Variants in ARHGEF4 observed in about 807,000 individuals in gnomAD.
The protein encoded by ARHGEF4 is APC-stimulated guanine nucleotide exchange factor 1.
ARHGEF4 carries 119 observed loss-of-function variants against 162.0 expected under a neutral mutation model. That is an observed-to-expected ratio of 0.73 (90% CI 0.63 to 0.86). ARHGEF4 has a LOEUF of 0.86. Ranked by LOEUF, ARHGEF4 falls within the 40% of genes least tolerant of loss-of-function variation. ARHGEF4 has a pLI of 0.00. For synonymous variants in ARHGEF4, 1,014 were observed against 979.9 expected, an observed-to-expected ratio of 1.03 and a Z score of -0.65; for missense variants, 2,488 against 2,456.0, an observed-to-expected ratio of 1.01 and a Z score of -0.28.
chr2:131,019,790 C>T (rs933636950), intron 4 of ARHGEF4, among the ~76,000 whole-genome samples: 2 of 152,108 alleles, frequency 1.3e-5, no homozygotes, highest in South Asian at 2.1e-4. Flanking sequence ...CCTGCCACCA[C>T]GGCCGGCTAA....
At chr2:130,933,878 T>C (rs1468301384) in intron 3 of ARHGEF4, among the ~76,000 whole-genome samples, 1 of 152,222 alleles carries the variant, frequency 6.6e-6, no homozygotes, top group African/African-American at 2.4e-5. Flanking sequence ...TAAAAATAGA[T>C]TACTTTACTT....
chr2:130,944,353 G>A (rs1683484343), intron 3 of ARHGEF4, among the ~76,000 whole-genome samples: 1 of 152,158 alleles, frequency 6.6e-6, no homozygotes, highest in African/African-American at 2.4e-5. Context: ...TCTTGATATT[G>A]TTCTGCACTG....
chr2:130,940,999 A>T (rs1683265432), intron 3 of ARHGEF4, among the ~76,000 whole-genome samples: 1 of 152,094 alleles, frequency 6.6e-6, no homozygotes, highest in Non-Finnish European at 1.5e-5. Flanking sequence ...ACTTTATTCT[A>T]TAAGCAGGAG....
At chr2:130,971,281 T>C (rs910174628) in intron 4 of ARHGEF4, among the ~76,000 whole-genome samples, 8 of 152,250 alleles carry the variant, frequency 5.3e-5, no homozygotes, top group African/African-American at 1.4e-4. Flanking sequence ...AAGTCAGTTA[T>C]GTGAGTCCTC....
chr2:131,040,511 C>T, intron 8 of ARHGEF4, 71 bp downstream of exon 8: 4 of 1,461,276 alleles, frequency 2.7e-6, no homozygotes, highest in Non-Finnish European at 3.6e-6. Flanking sequence ...CCAGCGCGGA[C>T]AGCGGGTGGC....
At chr2:130,853,486 C>T (rs1317820232) in intron 1 of ARHGEF4, among the ~76,000 whole-genome samples, 4 of 152,210 alleles carry the variant, frequency 2.6e-5, no homozygotes, top group Non-Finnish European at 5.9e-5. Flanking sequence ...GCAAAGCACA[C>T]GGCCAGTCTT....
rs70994734 is a variant in ARHGEF4 at position 131,029,551 on chromosome 2, C to CTTTTT, written c.4125+1479_4125+1483dup. Among the ~76,000 whole-genome samples the CTTTTT allele has an allele frequency of 2.5e-3, 348 of 141,070 alleles. 3 individuals are homozygous for CTTTTT. Among genetic ancestry groups the CTTTTT allele is most frequent in the African/African-American group, 8.8e-3 (332 of 37,610 alleles). 92.5% of individuals were successfully genotyped at this position (141,070 alleles called of 152,430 possible). On this transcript the variant is annotated intron_variant, in intron 5 of 13. Coordinates refer to ENST00000409359, the MANE Select transcript of ARHGEF4 (RefSeq NM_001367493.1). Reference sequence around the variant, plus strand: ...TTCACAAGGAATGGTTGTGCTTTTCCTTTTTTTTTTTTTTTTGAGATGGAG... The same window carrying CTTTTT: ...TTCACAAGGAATGGTTGTGCTTTTCCTTTTTTTTTTTTTTTTTTTTTGAGATGGAG...
intron 2 of ARHGEF4, among the ~76,000 whole-genome samples, chr2:130,929,160 G>A (rs1682476046): frequency 6.6e-6 from 1 of 152,168 alleles, no homozygotes; most frequent in Non-Finnish European, 1.5e-5. Flanking sequence ...GAAACCAGCT[G>A]TTTCTGATCC....
In ARHGEF4 at chr2:131,027,961, T is replaced by C. The variant is rs1558870804; in HGVS notation, c.4002T>C (p.Ala1334=). 1.2e-6 allele frequency: 2 copies of C among 1,613,958 alleles called. No individual in the cohort carries two copies. Among genetic ancestry groups the C allele is most frequent in the Non-Finnish European group, 1.7e-6 (2 of 1,180,002 alleles). The part of the protein sequence containing the change: ...HTPGTAMPDG[A]LDTAVCADEV... ...TCCTTCCAGCCATGCCTGATGGAGC[T>C]CTGGACACAGCTGTCTGCGCTGACG... The change falls in exon 5 of 14, where the codon GCT becomes GCC. Residue 1334 remains alanine, a synonymous_variant. Coordinates refer to ENST00000409359, the MANE Select transcript of ARHGEF4 (RefSeq NM_001367493.1).
In ARHGEF4 at chr2:131,027,993, G is replaced by T; in HGVS notation, c.4034G>T (p.Gly1345Val). ...LDTAVCADEV[G>V]SEEDLYDDLH... is the part of the protein sequence containing the mutation. Reference sequence around the variant, plus strand: ...ACAGCTGTCTGCGCTGACGAAGTGGGGAGCGAGGAGGACCTGTATGATGAC... The same window carrying T: ...ACAGCTGTCTGCGCTGACGAAGTGGTGAGCGAGGAGGACCTGTATGATGAC... The change falls in exon 5 of 14, where the codon GGG (glycine) becomes GTG (valine). Residue 1345 changes from glycine to valine, a missense_variant. By Grantham distance (109) the Gly-to-Val change is moderately radical (BLOSUM62 -3). Around this residue, in one of 6 missense-constraint regions of ARHGEF4, gnomAD observed 1,642 missense variants for 1,481.5 expected, o/e 1.11. Transcript: ENST00000409359. 1 of 1,614,084 alleles carries T rather than the reference G, an allele frequency of 6.2e-7. No individual in the cohort carries two copies. The highest frequency in any genetic ancestry group is 1.1e-5 in the South Asian group (1 of 91,076).
chr2:130,944,963 T>C (rs1683514748), intron 3 of ARHGEF4, among the ~76,000 whole-genome samples: 1 of 152,208 alleles, frequency 6.6e-6, no homozygotes, highest in Non-Finnish European at 1.5e-5. Flanking sequence ...CTTCAGGGGC[T>C]GTTTCTTATG....
At chr2:131,043,669 A>T in intron 11 of ARHGEF4, 86 bp downstream of exon 11, 2 of 1,592,982 alleles carry the variant, frequency 1.3e-6, no homozygotes, top group East Asian at 4.5e-5. Context: ...CCCAGAAGAC[A>T]GGTGCCAGCC....
intron 3 of ARHGEF4, among the ~76,000 whole-genome samples, chr2:130,944,239 C>T (rs527272576): frequency 6.2e-4 from 94 of 152,244 alleles, no homozygotes; most frequent in African/African-American, 2.1e-3. Flanking sequence ...TTTATGATGT[C>T]TCTAGGCATT....
intron 4 of ARHGEF4, among the ~76,000 whole-genome samples, chr2:130,972,112 G>T (rs142047709): frequency 6.6e-6 from 1 of 152,192 alleles, no homozygotes; most frequent in Non-Finnish European, 1.5e-5. Context: ...AAGGCCTCGG[G>T]TTGTATAACT....
At chr2:130,957,429 A>G (rs996629005) in intron 4 of ARHGEF4, among the ~76,000 whole-genome samples, 1 of 152,234 alleles carries the variant, frequency 6.6e-6, no homozygotes, top group African/African-American at 2.4e-5. Flanking sequence ...ACAAATTTAT[A>G]GAGACAATAA....
At chr2:131,039,297 C>G in intron 6 of ARHGEF4, 1 of 1,260,336 alleles carries the variant, frequency 7.9e-7, no homozygotes, top group East Asian at 3.4e-5. Flanking sequence ...TCTGCGATAC[C>G]CCCGCAACTC....
At chr2:130,875,376 T>G (rs566081945) in intron 1 of ARHGEF4, among the ~76,000 whole-genome samples, 14 of 152,220 alleles carry the variant, frequency 9.2e-5, no homozygotes, top group Non-Finnish European at 1.8e-4. Context: ...TACCTGAGAC[T>G]GGGTAATCTT....
At chr2:130,987,413 C>T (rs540111440) in intron 4 of ARHGEF4, among the ~76,000 whole-genome samples, 3 of 152,120 alleles carry the variant, frequency 2.0e-5, no homozygotes, top group Non-Finnish European at 4.4e-5. Context: ...CACGGGTGAG[C>T]GGTAGCAAAA....
chr2:130,889,728 C>T (rs1679741749), intron 1 of ARHGEF4, among the ~76,000 whole-genome samples: 1 of 146,014 alleles, frequency 6.8e-6, no homozygotes, highest in Non-Finnish European at 1.5e-5. Flanking sequence ...AGGAGAATCA[C>T]TTGAACCTGG....
Sources: allele counts gnomAD v4.1 joint callset (sites outside exome capture counted in the v4.1 genomes callset), GRCh38; gene constraint gnomAD v4.1.1; regional missense constraint gnomAD v4.1.1; transcripts MANE v1.5; gene names NCBI Gene and HGNC (gene_info 2026-07-23, HGNC 2026-07-21).